The following TMEM135 variants were observed in gnomAD, a reference collection of about 807,000 sequenced individuals.
TMEM135 encodes the protein transmembrane protein 135, also known as peroxisomal membrane protein 52.
Under a neutral mutation model 60.3 loss-of-function variants are expected in TMEM135, and 30 were observed. That is an observed-to-expected ratio of 0.50 (90% CI 0.37 to 0.68). The LOEUF (loss-of-function observed/expected upper bound fraction) is 0.68, where lower values mean the gene tolerates loss of function less well. Ranked by LOEUF, TMEM135 falls within the 30% of genes least tolerant of loss-of-function variation. The pLI is 0.00. For missense variants in TMEM135, 468 were observed against 548.8 expected (o/e 0.85, Z 1.47); for synonymous variants, 190 against 186.7 (o/e 1.02, Z -0.14).
At chr11:87,110,795 A>G (rs968153892) in intron 4 of TMEM135, among the ~76,000 whole-genome samples, 1 of 151,992 alleles carries the variant, frequency 6.6e-6, no homozygotes, top group Admixed American at 6.6e-5. Context: ...TGTGTGATGA[A>G]TAAATGAATA....
At chr11:87,168,458 C>G (rs550920868) in intron 5 of TMEM135, among the ~76,000 whole-genome samples, 11 of 152,212 alleles carry the variant, frequency 7.2e-5, no homozygotes, top group African/African-American at 2.4e-4. Context: ...ATAAATTTCC[C>G]TCTAAAGACT....
At chr11:87,229,162 T>C (rs34782550) in intron 5 of TMEM135, among the ~76,000 whole-genome samples, 9,755 of 152,264 alleles carry the variant, frequency 0.064, 394 homozygotes, top group South Asian at 0.12. Flanking sequence ...ACGTTTCTTT[T>C]ATGTGTTTGC....
chr11:87,291,611 C>T (rs1275652729), intron 6 of TMEM135, among the ~76,000 whole-genome samples: 4 of 138,762 alleles, frequency 2.9e-5, no homozygotes, highest in African/African-American at 1.0e-4. Flanking sequence ...GGCTCATTGC[C>T]AACTCTGCCT....
intron 4 of TMEM135, among the ~76,000 whole-genome samples, chr11:87,129,623 C>T (rs2451052): frequency 0.35 from 51,741 of 149,470 alleles, 9,412 homozygotes; most frequent in East Asian, 0.62. Flanking sequence ...TCACTGCAAC[C>T]TCTGCCCCCC....
At chr11:87,161,672 T>A (rs1201280453) in intron 5 of TMEM135, among the ~76,000 whole-genome samples, 1 of 152,222 alleles carries the variant, frequency 6.6e-6, no homozygotes, top group Admixed American at 6.5e-5. Flanking sequence ...TGAGAACATG[T>A]AATGAACAAG....
chr11:87,147,353 A>G (rs1938444445), intron 4 of TMEM135, among the ~76,000 whole-genome samples: 1 of 152,126 alleles, frequency 6.6e-6, no homozygotes, highest in Non-Finnish European at 1.5e-5. Context: ...CAAAACTTTT[A>G]GTGTAACAAA....
chr11:87,106,113 T>A (rs1177905678), intron 4 of TMEM135, among the ~76,000 whole-genome samples: 1 of 152,102 alleles, frequency 6.6e-6, no homozygotes, highest in African/African-American at 2.4e-5. Flanking sequence ...TTCTTTCTTT[T>A]TTTTTTTTGA....
At chr11:87,077,980 C>T (rs1053534546) in intron 3 of TMEM135, among the ~76,000 whole-genome samples, 5 of 152,096 alleles carry the variant, frequency 3.3e-5, no homozygotes, top group Non-Finnish European at 7.4e-5. Flanking sequence ...TTTATTTATT[C>T]ATAAGTTGAT....
At chr11:87,126,045 A>G (rs1300941620) in intron 4 of TMEM135, among the ~76,000 whole-genome samples, 1 of 152,136 alleles carries the variant, frequency 6.6e-6, no homozygotes, top group Non-Finnish European at 1.5e-5. Context: ...ATATCAAGGA[A>G]CAATATTTTA....
At chr11:87,228,673 A>T (rs573732001) in intron 5 of TMEM135, among the ~76,000 whole-genome samples, 1 of 152,282 alleles carries the variant, frequency 6.6e-6, no homozygotes, top group South Asian at 2.1e-4. Flanking sequence ...TCAGGTGCAA[A>T]AATCAAATAA....
At chr11:87,120,685 C>G (rs1035518755) in intron 4 of TMEM135, among the ~76,000 whole-genome samples, 3 of 151,888 alleles carry the variant, frequency 2.0e-5, no homozygotes, top group Non-Finnish European at 4.4e-5. Flanking sequence ...CCAGGATGGT[C>G]TCGATCTCCT....
chr11:87,226,297 T>A (rs1199201332), intron 5 of TMEM135, among the ~76,000 whole-genome samples: 2 of 152,222 alleles, frequency 1.3e-5, no homozygotes, highest in African/African-American at 4.8e-5. Context: ...GCTTTTATAG[T>A]CCCAGCTCTG....
chr11:87,310,620 C>T (rs1472001303), intron 10 of TMEM135, among the ~76,000 whole-genome samples: 1 of 135,888 alleles, frequency 7.4e-6, no homozygotes, highest in Non-Finnish European at 1.6e-5. Context: ...AAAAAAGTTG[C>T]AATTAAAAAA....
chr11:87,096,916 C>A (rs947640977), intron 4 of TMEM135, among the ~76,000 whole-genome samples: 1 of 151,962 alleles, frequency 6.6e-6, no homozygotes, highest in Non-Finnish European at 1.5e-5. Flanking sequence ...ATCTATATAT[C>A]ATTATGGCCT....
At chr11:87,110,504 T>G (rs1857715814) in intron 4 of TMEM135, among the ~76,000 whole-genome samples, 1 of 152,090 alleles carries the variant, frequency 6.6e-6, no homozygotes, top group African/African-American at 2.4e-5. Flanking sequence ...TTAATAGCTT[T>G]GTGACTATAA....
intron 5 of TMEM135, among the ~76,000 whole-genome samples, chr11:87,225,671 T>C (rs958266148): frequency 6.6e-6 from 1 of 152,048 alleles, no homozygotes; most frequent in Admixed American, 6.5e-5. Flanking sequence ...TACTCCTACT[T>C]TGGAAGCTCA....
chr11:87,098,080 T>C (rs1417486417), intron 4 of TMEM135, among the ~76,000 whole-genome samples: 1 of 152,198 alleles, frequency 6.6e-6, no homozygotes, highest in Non-Finnish European at 1.5e-5. Context: ...CTTTGTGCCA[T>C]AATTTGTTAA....
chr11:87,264,270 C>T (rs1334191627), intron 6 of TMEM135, among the ~76,000 whole-genome samples: 2 of 150,676 alleles, frequency 1.3e-5, no homozygotes, highest in African/African-American at 2.4e-5. Context: ...TTTTTCTCCT[C>T]TCCTCCCCAA....
intron 1 of TMEM135, among the ~76,000 whole-genome samples, chr11:87,065,104 G>A (rs185017636): frequency 4.5e-4 from 69 of 152,166 alleles, no homozygotes; most frequent in Middle Eastern, 3.4e-3. Flanking sequence ...GAAGGGCATC[G>A]GGGTTGTTTC....
Sources: allele counts gnomAD v4.1 joint callset (sites outside exome capture counted in the v4.1 genomes callset), GRCh38; gene constraint gnomAD v4.1.1; transcripts MANE v1.5; gene names NCBI Gene and HGNC (gene_info 2026-07-23, HGNC 2026-07-21).